The following CSMD1 variants were observed in gnomAD, a reference collection of about 807,000 sequenced individuals.
The protein encoded by CSMD1 is CUB and Sushi multiple domains 1.
Under a neutral mutation model 417.5 loss-of-function variants are expected in CSMD1, and 213 were observed. That is an observed-to-expected ratio of 0.51 (90% confidence interval 0.46 to 0.57). The LOEUF is 0.57. Among genes scored for constraint, CSMD1 ranks in the 20% least tolerant of loss-of-function variants. CSMD1 has a pLI of 0.00. For missense variants in CSMD1, 6,923 were observed against 4,529.7 expected, an observed-to-expected ratio of 1.53 and a Z score of -15.17; for synonymous variants, 2,862 against 1,736.8, an observed-to-expected ratio of 1.65 and a Z score of -16.11.
intron 29 of CSMD1, 56 bp from the exon 30 acceptor site, chr8:3,214,747 G>C (rs1797794219): frequency 7.1e-7 from 1 of 1,400,206 alleles, no homozygotes; most frequent in South Asian, 1.4e-5. Context: ...TCTTGTTTGT[G>C]TTTTTGTTTG....
intron 7 of CSMD1, among the ~76,000 whole-genome samples, chr8:3,634,946 C>A (rs2449214): frequency 6.6e-6 from 1 of 152,036 alleles, no homozygotes; most frequent in African/African-American, 2.4e-5. Flanking sequence ...CCACATGTGA[C>A]TGTACTGAAT....
intron 6 of CSMD1, among the ~76,000 whole-genome samples, chr8:3,738,301 T>C (rs1796625967): frequency 6.6e-6 from 1 of 152,186 alleles, no homozygotes; most frequent in Non-Finnish European, 1.5e-5. Flanking sequence ...TCTTAGATAT[T>C]TGTATGTGTA....
chr8:3,884,355 C>G (rs1806410725), intron 5 of CSMD1, among the ~76,000 whole-genome samples: 1 of 152,180 alleles, frequency 6.6e-6, no homozygotes. Flanking sequence ...AACTGATTCC[C>G]TAGAGAACTG....
At chr8:4,079,190 T>C (rs1799993599) in intron 3 of CSMD1, among the ~76,000 whole-genome samples, 1 of 152,104 alleles carries the variant, frequency 6.6e-6, no homozygotes, top group Non-Finnish European at 1.5e-5. Context: ...GCTAATGTTT[T>C]AGTCTATAGA....
chr8:3,823,994 G>T (rs17807654), intron 5 of CSMD1, among the ~76,000 whole-genome samples: 28,406 of 152,012 alleles, frequency 0.19, 2,971 homozygotes, highest in Middle Eastern at 0.26. Context: ...ACCTAATAAT[G>T]TTTTTGCTTC....
intron 23 of CSMD1, among the ~76,000 whole-genome samples, chr8:3,310,188 G>A (rs979178626): frequency 1.3e-5 from 2 of 152,150 alleles, no homozygotes; most frequent in African/African-American, 4.8e-5. Context: ...TCATCTCACT[G>A]CATAATGCCA....
chr8:4,750,004 A>T (rs1042748656), intron 1 of CSMD1, among the ~76,000 whole-genome samples: 8 of 147,712 alleles, frequency 5.4e-5, no homozygotes, highest in African/African-American at 5.3e-5. Context: ...AAAAAAAAAT[A>T]ATAATTATTA....
intron 4 of CSMD1, among the ~76,000 whole-genome samples, chr8:4,018,873 A>T (rs1796649584): frequency 6.6e-6 from 1 of 152,172 alleles, no homozygotes; most frequent in South Asian, 2.1e-4. Flanking sequence ...CATCTAAACC[A>T]GAGGGATGAT....
intron 6 of CSMD1, among the ~76,000 whole-genome samples, chr8:3,734,706 G>T (rs1038383282): frequency 1.3e-5 from 2 of 152,230 alleles, no homozygotes; most frequent in East Asian, 3.9e-4. Flanking sequence ...GTGAGATTTT[G>T]TCTCAAAAAA....
chr8:3,334,716 G>A (rs918972644), intron 23 of CSMD1, among the ~76,000 whole-genome samples: 3 of 152,218 alleles, frequency 2.0e-5, no homozygotes, highest in Non-Finnish European at 4.4e-5. Context: ...AAATGGATGG[G>A]CCATTTTACA....
chr8:3,371,912 T>G (rs1450670146), intron 18 of CSMD1, among the ~76,000 whole-genome samples: 2 of 152,246 alleles, frequency 1.3e-5, no homozygotes, highest in Non-Finnish European at 2.9e-5. Context: ...GAAATTAATG[T>G]ATTCAACAAA....
chr8:4,608,237 G>A (rs1341386127), intron 2 of CSMD1, among the ~76,000 whole-genome samples: 1 of 152,176 alleles, frequency 6.6e-6, no homozygotes, highest in South Asian at 2.1e-4. Context: ...ATTTTGAGCT[G>A]GAGATTTATG....
intron 3 of CSMD1, among the ~76,000 whole-genome samples, chr8:4,163,486 A>G (rs1487191568): frequency 6.6e-6 from 1 of 152,112 alleles, no homozygotes; most frequent in Admixed American, 6.6e-5. Context: ...TTTAGATTTT[A>G]TCCTTCAACT....
At chr8:3,231,011 C>T (rs1053939711) in intron 26 of CSMD1, among the ~76,000 whole-genome samples, 7 of 152,042 alleles carry the variant, frequency 4.6e-5, no homozygotes, top group Non-Finnish European at 1.0e-4. Flanking sequence ...TTGCAAACGG[C>T]GAGCCTAAAA....
intron 1 of CSMD1, among the ~76,000 whole-genome samples, chr8:4,649,964 G>A (rs1244326595): frequency 6.6e-6 from 1 of 152,196 alleles, no homozygotes; most frequent in African/African-American, 2.4e-5. Context: ...CGTTCACACA[G>A]ATGACACAGC....
intron 10 of CSMD1, among the ~76,000 whole-genome samples, chr8:3,515,562 A>T (rs1341218401): frequency 6.6e-6 from 1 of 152,180 alleles, no homozygotes; most frequent in Non-Finnish European, 1.5e-5. Context: ...ATGCTCTCCC[A>T]TTGCCGTTTT....
rs147976799 is a variant in CSMD1 at position 3,616,966 on chromosome 8, T to C, written c.1010-169A>G. 1.2e-3 allele frequency among the ~76,000 whole-genome samples: 161 copies of C among 137,864 alleles called. 1 individual carries two copies. Among genetic ancestry groups the C allele is most frequent in the African/African-American group, 4.0e-3 (152 of 37,796 alleles). 90.4% of individuals were successfully genotyped at this position (137,864 alleles called of 152,430 possible). On this transcript the variant is annotated intron_variant, in intron 7 of 69. Transcript: ENST00000635120. ...ATTCAAATAAGTGTTTATATTCTGA[T>C]TGGTGAAAATCAAACATGTGTTTTC...
intron 12 of CSMD1, among the ~76,000 whole-genome samples, chr8:3,455,939 T>G (rs1399533706): frequency 2.6e-5 from 4 of 152,214 alleles, no homozygotes; most frequent in South Asian, 2.1e-4. Flanking sequence ...CAGGCCTCCT[T>G]GAGCTGAGGT....
chr8:4,918,084 A>G (rs570853400), intron 1 of CSMD1, among the ~76,000 whole-genome samples: 1 of 99,222 alleles, frequency 1.0e-5, no homozygotes, highest in East Asian at 6.5e-4. Flanking sequence ...TGAGTTAGCA[A>G]TACTTTTAAA....
Sources: gnomAD v4.1 joint callset for allele counts (sites outside exome capture counted in the v4.1 genomes callset) on GRCh38, gnomAD v4.1.1 for gene constraint, MANE v1.5 for transcripts, NCBI Gene and HGNC (gene_info 2026-07-23, HGNC 2026-07-21) for gene names.